The following ST6GALNAC5 variants were observed in gnomAD, a reference collection of about 807,000 sequenced individuals.
ST6GALNAC5 encodes alpha-N-acetylgalactosaminide alpha-2,6-sialyltransferase 5.
In ST6GALNAC5, 27 loss-of-function variants were observed where a neutral mutation model predicts 33.6. That is an observed-to-expected ratio of 0.80 (90% CI 0.59 to 1.11). ST6GALNAC5 has a LOEUF of 1.11. ST6GALNAC5 is among the 50% of genes least tolerant of loss of function. The pLI is 0.00. For missense variants in ST6GALNAC5, 428 were observed against 454.0 expected (o/e 0.94, Z 0.52); for synonymous variants, 194 against 171.2 (o/e 1.13, Z -1.04).
chr1:76,940,291 A>G (rs1334806370), intron 2 of ST6GALNAC5, among the ~76,000 whole-genome samples: 6 of 152,062 alleles, frequency 3.9e-5, no homozygotes. Flanking sequence ...AGTGTTCAAT[A>G]AATGTTTATT....
At position 77,024,538 on chromosome 1, in the gene ST6GALNAC5, G is replaced by A. The variant is rs536103057; in HGVS notation, c.262-19666G>A. 2.0e-5 allele frequency among the ~76,000 whole-genome samples: 3 copies of A among 152,288 alleles called. No homozygotes were observed. The South Asian group carries it at 6.2e-4, about 32-fold the overall frequency. On this transcript the variant is annotated intron_variant, in intron 2 of 4. Transcript: ENST00000477717. Reference sequence around the variant, plus strand: ...AAGCCTGTGCCCTTTTCCAGCCTCCGGGCCTCATATTGCAGGTGCCTCCAG... The same window carrying A: ...AAGCCTGTGCCCTTTTCCAGCCTCCAGGCCTCATATTGCAGGTGCCTCCAG...
At chr1:76,952,377 G>A (rs1242404767) in intron 2 of ST6GALNAC5, among the ~76,000 whole-genome samples, 6 of 152,142 alleles carry the variant, frequency 3.9e-5, no homozygotes, top group Admixed American at 6.6e-5. Context: ...GGCTCCTTTG[G>A]TAGGTAATTA....
intron 2 of ST6GALNAC5, among the ~76,000 whole-genome samples, chr1:77,016,119 T>C (rs867815500): frequency 2.5e-5 from 3 of 117,714 alleles, no homozygotes; most frequent in Non-Finnish European, 1.8e-5. Flanking sequence ...CTCCTCCCTC[T>C]CCTCCTCCTG....
intron 2 of ST6GALNAC5, among the ~76,000 whole-genome samples, chr1:77,025,861 A>C (rs1448007757): frequency 3.3e-5 from 5 of 151,906 alleles, no homozygotes; most frequent in Admixed American, 2.0e-4. Flanking sequence ...AGACCCACCC[A>C]CCCTCCACGG....
At chr1:76,895,585 G>A (rs1654112164) in intron 2 of ST6GALNAC5, among the ~76,000 whole-genome samples, 1 of 152,202 alleles carries the variant, frequency 6.6e-6, no homozygotes, top group African/African-American at 2.4e-5. Flanking sequence ...GAGTGCCTAA[G>A]GAGATTCAGC....
intron 2 of ST6GALNAC5, among the ~76,000 whole-genome samples, chr1:77,020,615 G>T (rs1313282724): frequency 6.6e-6 from 1 of 152,110 alleles, no homozygotes; most frequent in African/African-American, 2.4e-5. Flanking sequence ...TGCCCAGGCT[G>T]GTCTTGAGCT....
chr1:77,044,615 T>C lies in ST6GALNAC5; in HGVS notation c.671+2T>C. 1 of 1,539,514 alleles carries C rather than the reference T, an allele frequency of 6.5e-7. No homozygotes were observed. Among genetic ancestry groups the C allele is most frequent in the Non-Finnish European group, 8.8e-7 (1 of 1,139,862 alleles). ...CAAGCAGGAGACTGGCAAAGACAGGTACAAAGGCACAGGGAAGAAGATGCA... is the reference window on the plus strand; with the variant it reads ...CAAGCAGGAGACTGGCAAAGACAGGCACAAAGGCACAGGGAAGAAGATGCA... On this transcript the variant is annotated splice_donor_variant, in intron 3 of 4. Transcript: ENST00000477717. LOFTEE classifies it high-confidence loss of function.
At chr1:76,997,877 G>A (rs1030554896) in intron 2 of ST6GALNAC5, among the ~76,000 whole-genome samples, 3 of 152,100 alleles carry the variant, frequency 2.0e-5, no homozygotes, top group Admixed American at 2.0e-4. Context: ...ACCTCAAATT[G>A]TAATAATTCC....
At chr1:77,052,432 G>A (rs1171726278) in intron 4 of ST6GALNAC5, among the ~76,000 whole-genome samples, 1 of 151,924 alleles carries the variant, frequency 6.6e-6, no homozygotes, top group Non-Finnish European at 1.5e-5. Context: ...TGTAAAATGG[G>A]GATAAGAAAA....
chr1:76,930,259 G>A (rs1250816619), intron 2 of ST6GALNAC5, among the ~76,000 whole-genome samples: 1 of 152,132 alleles, frequency 6.6e-6, no homozygotes, highest in Non-Finnish European at 1.5e-5. Flanking sequence ...TATGAGGATA[G>A]TTTATATGTC....
At chr1:76,944,547 G>A (rs1647446411) in intron 2 of ST6GALNAC5, among the ~76,000 whole-genome samples, 1 of 152,006 alleles carries the variant, frequency 6.6e-6, no homozygotes, top group Non-Finnish European at 1.5e-5. Context: ...CGGGATTTTT[G>A]TTTAATGTGG....
At chr1:76,973,774 G>A (rs963618142) in intron 2 of ST6GALNAC5, among the ~76,000 whole-genome samples, 4 of 152,100 alleles carry the variant, frequency 2.6e-5, no homozygotes, top group Non-Finnish European at 5.9e-5. Flanking sequence ...TTTCTTGTGT[G>A]TGTAACCAGA....
At chr1:76,981,768 C>T (rs570721976) in intron 2 of ST6GALNAC5, among the ~76,000 whole-genome samples, 1 of 152,274 alleles carries the variant, frequency 6.6e-6, no homozygotes, top group Non-Finnish European at 1.5e-5. Flanking sequence ...GGTGGCTGCC[C>T]TTCTGGGACA....
intron 2 of ST6GALNAC5, among the ~76,000 whole-genome samples, chr1:76,988,064 T>C (rs1375502936): frequency 6.6e-6 from 1 of 152,078 alleles, no homozygotes; most frequent in Non-Finnish European, 1.5e-5. Flanking sequence ...CCTTTTTCAT[T>C]AAAAAAATTT....
chr1:77,046,879 G>A (rs991694893), intron 3 of ST6GALNAC5, among the ~76,000 whole-genome samples: 1 of 152,142 alleles, frequency 6.6e-6, no homozygotes, highest in African/African-American at 2.4e-5. Context: ...TGGACTCCTT[G>A]AGAAATCATT....
intron 2 of ST6GALNAC5, among the ~76,000 whole-genome samples, chr1:76,900,096 G>A (rs1472511624): frequency 1.3e-5 from 2 of 152,172 alleles, no homozygotes; most frequent in Non-Finnish European, 2.9e-5. Context: ...GGAGATAAGG[G>A]TGGGGCTGTT....
intron 2 of ST6GALNAC5, among the ~76,000 whole-genome samples, chr1:76,938,569 G>T (rs759269104): frequency 6.6e-6 from 1 of 152,038 alleles, no homozygotes; most frequent in African/African-American, 2.4e-5. Context: ...AGCTCCTTCT[G>T]ACTGGAAGTG....
In ST6GALNAC5 at chr1:76,894,839, C is replaced by T. The variant is rs540770056; in HGVS notation, c.261+26097C>T. Among the ~76,000 whole-genome samples, 3 of 152,248 alleles carry T rather than the reference C, an allele frequency of 2.0e-5. No individual in the cohort carries two copies. The East Asian group carries it at 5.8e-4, about 29-fold the overall frequency. ...CACTCGCGTCCATGTGAAGAGACCA[C>T]CAAACAGGTTTGTGTGAGCAATAAA... On this transcript the variant is annotated intron_variant, in intron 2 of 4. Coordinates refer to ENST00000477717, the MANE Select transcript of ST6GALNAC5 (RefSeq NM_030965.3).
At position 77,045,866 on chromosome 1, in the gene ST6GALNAC5, C is replaced by G. The variant is rs182085958; in HGVS notation, c.671+1253C>G. 1.0e-3 allele frequency among the ~76,000 whole-genome samples: 159 copies of G among 152,286 alleles called. 1 individual carries two copies. The highest frequency in any genetic ancestry group is 1.9e-3 in the Non-Finnish European group (131 of 68,012). On this transcript the variant is annotated intron_variant, in intron 3 of 4. Coordinates refer to ENST00000477717, the MANE Select transcript of ST6GALNAC5 (RefSeq NM_030965.3). ...AAGGACAATGAAGAATCAAGGGCCA[C>G]TAGAGAGTACAGCTCTGGGTTGGAA...
Sources: allele counts gnomAD v4.1 joint callset (sites outside exome capture counted in the v4.1 genomes callset), GRCh38; gene constraint gnomAD v4.1.1; transcripts MANE v1.5; gene names NCBI Gene and HGNC (gene_info 2026-07-23, HGNC 2026-07-21).